The following USP6 variants were observed in gnomAD, a reference collection of about 807,000 sequenced individuals.
The protein encoded by USP6 is ubiquitin specific peptidase 6.
A neutral mutation model predicts 175.7 loss-of-function variants in USP6; 128 were observed. That is an observed-to-expected ratio of 0.73 (90% CI 0.63 to 0.84). The LOEUF (loss-of-function observed/expected upper bound fraction) is 0.84, where lower values mean the gene tolerates loss of function less well. USP6 is among the 40% of genes least tolerant of loss of function. USP6 has a pLI of 0.00. For synonymous variants in USP6, 562 were observed against 630.6 expected, an observed-to-expected ratio of 0.89 and a Z score of 1.63; for missense variants, 1,498 against 1,760.3, an observed-to-expected ratio of 0.85 and a Z score of 2.67.
At chr17:5,138,033 G>A (rs572460526) in intron 20 of USP6, 88 bp from the exon 21 acceptor site, 51 of 1,604,680 alleles carry the variant, frequency 3.2e-5, no homozygotes, top group Admixed American at 1.7e-4. Context: ...ATTCGGCACC[G>A]CCCAGTGGGA....
Position 5,162,876 on chromosome 17 carries a change from C to CT in USP6, c.2916-3dup, listed in dbSNP as rs2074030977. ...TTCTTCCTCTGTGGATCTTTCCCCC[C>CT]TTTTTAGATTTTGCAGAGGCTGTAA... On this transcript the variant is annotated splice_polypyrimidine_tract_variant and splice_region_variant and intron_variant, in intron 32 of 37. Transcript: ENST00000574788. 7 of 1,591,390 alleles carry CT rather than the reference C, an allele frequency of 4.4e-6. No individual in the cohort carries two copies. The South Asian group carries it at 7.1e-5, about 16-fold the overall frequency.
chr17:5,136,069 T>A, intron 17 of USP6, 141 bp downstream of exon 17: 1 of 1,489,928 alleles, frequency 6.7e-7, no homozygotes, highest in Non-Finnish European at 8.9e-7. Flanking sequence ...CTGCTGAGGG[T>A]CCCACAGGAG....
chr17:5,133,652 G>C, intron 14 of USP6, 102 bp downstream of exon 14: 1 of 1,163,806 alleles, frequency 8.6e-7, no homozygotes, highest in Non-Finnish European at 1.3e-6. Flanking sequence ...GGGGGTGGGA[G>C]GGGATGGTTA....
chr17:5,128,206 G>A (rs2072951009), intron 7 of USP6, among the ~76,000 whole-genome samples: 1 of 152,170 alleles, frequency 6.6e-6, no homozygotes, highest in South Asian at 2.1e-4. Flanking sequence ...TAGGCCCTGG[G>A]TGGGACAGCT....
intron 2 of USP6, 32 bp downstream of exon 2, chr17:5,118,322 A>G (rs2072578759): frequency 6.6e-6 from 1 of 152,480 alleles, no homozygotes; most frequent in Admixed American, 6.5e-5. Context: ...CTGGCTGGCC[A>G]CTACAGGCAC....
intron 30 of USP6, among the ~76,000 whole-genome samples, chr17:5,150,852 G>T (rs912797740): frequency 6.6e-6 from 1 of 152,082 alleles, no homozygotes; most frequent in Non-Finnish European, 1.5e-5. Flanking sequence ...TTTCAGTAGG[G>T]TGGGGGCTTC....
rs1307758004 is a variant in USP6 at position 5,168,939 on chromosome 17, G to A, written c.3401G>A (p.Arg1134Lys). Residue 1134 changes from arginine (R) to lysine (K), a missense_variant, in exon 35 of 38, where the codon AGG becomes AAG. Transcript: ENST00000574788. ...CAGGGGGATGAGCTCTCCAAGCCCA[G>A]GATTCTGGCAAGAGAGGTGAAGAAA... ...TPQGDELSKP[R>K]ILAREVKKVD... 1 of 1,613,966 alleles carries A rather than the reference G, an allele frequency of 6.2e-7. No individual in the cohort carries two copies.
intron 29 of USP6, among the ~76,000 whole-genome samples, chr17:5,148,100 A>G (rs896257099): frequency 2.6e-5 from 4 of 152,188 alleles, no homozygotes; most frequent in Non-Finnish European, 5.9e-5. Context: ...GCTGGTCACT[A>G]GCTCCTGGGC....
At chr17:5,150,875 T>C (rs551932508) in intron 30 of USP6, among the ~76,000 whole-genome samples, 8 of 152,292 alleles carry the variant, frequency 5.3e-5, no homozygotes, top group Non-Finnish European at 1.0e-4. Context: ...CCAAAGGTTC[T>C]AGGAGAGAAT....
At chr17:5,147,604 A>C (rs934840324) in intron 29 of USP6, among the ~76,000 whole-genome samples, 21 of 152,216 alleles carry the variant, frequency 1.4e-4, no homozygotes, top group African/African-American at 4.8e-4. Flanking sequence ...TCTTTATATT[A>C]CTTACAATTA....
chr17:5,130,041 C>A lies in USP6; in HGVS notation c.-50C>A. On this transcript the variant is annotated 5_prime_UTR_variant, in exon 9 of 38. Coordinates refer to ENST00000574788, the MANE Select transcript of USP6 (RefSeq NM_001304284.2). Reference sequence around the variant, plus strand: ...TCCACATCCCTGGAATAGACCATCACAGGCTCTTCACCCTTGGCAGGTGGA... The same window carrying A: ...TCCACATCCCTGGAATAGACCATCAAAGGCTCTTCACCCTTGGCAGGTGGA... 2.8e-6 allele frequency: 1 copy of A among 359,194 alleles called. No individual in the cohort carries two copies. Among genetic ancestry groups the A allele is most frequent in the Non-Finnish European group, 5.3e-6 (1 of 187,698 alleles). 22.3% of individuals were successfully genotyped at this position (359,194 alleles called of 1,614,324 possible). A position where few individuals can be genotyped will look rare whatever the true frequency, so the allele number is the denominator to read the frequency against.
intron 15 of USP6, chr17:5,134,326 T>A: frequency 3.0e-6 from 1 of 332,458 alleles, no homozygotes; most frequent in Admixed American, 4.2e-5. Flanking sequence ...GGAGGGCCCA[T>A]GAGCCTCCCC....
intron 25 of USP6, among the ~76,000 whole-genome samples, chr17:5,144,187 G>A (rs2073539273): frequency 6.6e-6 from 1 of 151,808 alleles, no homozygotes; most frequent in South Asian, 2.1e-4. Flanking sequence ...GATGCAACAA[G>A]ACCAGAAAAT....
At chr17:5,131,611 C>G (rs2073071097) in intron 11 of USP6, among the ~76,000 whole-genome samples, 1 of 150,860 alleles carries the variant, frequency 6.6e-6, no homozygotes, top group African/African-American at 2.4e-5. Flanking sequence ...GAGTTGTGGC[C>G]CTAGGGGAAT....
In USP6 at chr17:5,135,258, C is replaced by T. The variant is rs748296897; in HGVS notation, c.519C>T (p.Leu173=). ...GAKQRELFYI[L]LAYSEYNPEV... is the part of the protein sequence containing the mutation. ...GGCAGAGGGAACTATTCTACATCCT[C>T]CTGGCCTATTCGGAGTATAACCCGG... Residue 173 remains leucine (L), a synonymous_variant, in exon 16 of 38, where the codon CTC becomes CTT. Coordinates refer to ENST00000574788, the MANE Select transcript of USP6 (RefSeq NM_001304284.2). 5.0e-5 allele frequency: 81 copies of T among 1,612,904 alleles called. No homozygotes were observed. The highest frequency in any genetic ancestry group is 5.9e-6 in the Non-Finnish European group (7 of 1,179,208).
chr17:5,142,879 A>AATCTG (rs2073488453), intron 25 of USP6, among the ~76,000 whole-genome samples: 1 of 152,202 alleles, frequency 6.6e-6, no homozygotes, highest in African/African-American at 2.4e-5. Flanking sequence ...CATAACTAAG[A>AATCTG]TAGTTATATC....
At chr17:5,153,381 T>TGTTC (rs948052220) in intron 30 of USP6, among the ~76,000 whole-genome samples, 1 of 151,346 alleles carries the variant, frequency 6.6e-6, no homozygotes, top group African/African-American at 2.4e-5. Flanking sequence ...CCGCCTCCTG[T>TGTTC]GTTCAAGTGA....
At chr17:5,147,530 ATAT>A (rs2073646188) in intron 29 of USP6, among the ~76,000 whole-genome samples, 1 of 152,230 alleles carries the variant, frequency 6.6e-6, no homozygotes, top group Non-Finnish European at 1.5e-5. Flanking sequence ...AAGAAATCCA[ATAT>A]TATATGTAAT....
chr17:5,174,680 C>A lies in USP6; in HGVS notation c.*1702C>A, dbSNP rs58327879. On this transcript the variant is annotated 3_prime_UTR_variant, in exon 38 of 38. Transcript: ENST00000574788. ...TTTCTTTACAGATGTTTTATTTAAA[C>A]AGGTAGCACAATCTACTAATGTTGT... The A allele has an allele frequency of 0.051, 10,201 of 200,466 alleles. 1,064 individuals are homozygous for A. Among genetic ancestry groups the A allele is most frequent in the African/African-American group, 0.22 (9,445 of 43,472 alleles). 12.4% of individuals were successfully genotyped at this position (200,466 alleles called of 1,614,324 possible). A position where few individuals can be genotyped will look rare whatever the true frequency, so the allele number is the denominator to read the frequency against.
Sources: allele counts gnomAD v4.1 joint callset (sites outside exome capture counted in the v4.1 genomes callset), GRCh38; gene constraint gnomAD v4.1.1; transcripts MANE v1.5; gene names NCBI Gene and HGNC (gene_info 2026-07-23, HGNC 2026-07-21).